Variants in EIF2AK4 observed in about 807,000 individuals in gnomAD.
EIF2AK4 encodes the protein eIF-2-alpha kinase GCN2.
A neutral mutation model predicts 211.1 loss-of-function variants in EIF2AK4; 139 were observed. The ratio of observed to expected loss-of-function variants is 0.66; its 90% CI spans 0.57 to 0.76. The LOEUF is 0.76. Among genes scored for constraint, EIF2AK4 ranks in the 30% least tolerant of loss-of-function variants. EIF2AK4 has a pLI of 0.00. For synonymous variants in EIF2AK4, 710 were observed against 751.3 expected (o/e 0.94, Z 0.90); for missense variants, 1,664 against 2,043.8 (o/e 0.81, Z 3.58).
At chr15:39,935,059 G>T (rs1875433708) in intron 1 of EIF2AK4, among the ~76,000 whole-genome samples, 1 of 151,954 alleles carries the variant, frequency 6.6e-6, no homozygotes, top group South Asian at 2.1e-4. Context: ...AAAAAAATTC[G>T]CAAAAAAACC....
rs750542073 is a variant in EIF2AK4 at position 40,022,515 on chromosome 15, T to G, written c.4303-4T>G. Reference sequence around the variant, plus strand: ...ATTTTCTTTACTATGTTTGTTTGTTTCAGTCCCAAGAGGAATTACAAGAGT... The same window carrying G: ...ATTTTCTTTACTATGTTTGTTTGTTGCAGTCCCAAGAGGAATTACAAGAGT... On this transcript the variant is annotated splice_region_variant and splice_polypyrimidine_tract_variant and intron_variant, in intron 31 of 38. Coordinates refer to ENST00000263791, the MANE Select transcript of EIF2AK4 (RefSeq NM_001013703.4). 1.9e-6 allele frequency: 3 copies of G among 1,613,386 alleles called. No homozygotes were observed. The South Asian group carries it at 3.3e-5, about 18-fold the overall frequency.
intron 4 of EIF2AK4, chr15:39,951,413 C>T (rs1384904888): frequency 1.0e-5 from 3 of 294,130 alleles, no homozygotes; most frequent in Non-Finnish European, 2.0e-5. Flanking sequence ...GGATATCTTT[C>T]AGCACAATTG....
intron 13 of EIF2AK4, among the ~76,000 whole-genome samples, chr15:39,984,818 C>G (rs2034842289): frequency 1.3e-5 from 2 of 152,332 alleles, no homozygotes; most frequent in South Asian, 4.1e-4. Flanking sequence ...TTGACTTCCT[C>G]TCTTTCTATT....
intron 27 of EIF2AK4, among the ~76,000 whole-genome samples, chr15:40,012,453 G>C (rs752592542): frequency 6.6e-6 from 1 of 152,144 alleles, no homozygotes; most frequent in South Asian, 2.1e-4. Flanking sequence ...GATATGCAAA[G>C]TAACACAACA....
At chr15:39,960,072 G>A (rs2034447690) in intron 6 of EIF2AK4, among the ~76,000 whole-genome samples, 1 of 151,406 alleles carries the variant, frequency 6.6e-6, no homozygotes, top group African/African-American at 2.4e-5. Context: ...GCTGAGGCAG[G>A]AGAATGGTGT....
chr15:39,941,427 C>T (rs1031208432), intron 2 of EIF2AK4, among the ~76,000 whole-genome samples: 12 of 152,196 alleles, frequency 7.9e-5, no homozygotes, highest in African/African-American at 2.9e-4. Context: ...CCCTGTTGCT[C>T]AGGAAATTCC....
rs1484537659 is a variant in EIF2AK4, at chr15:40,032,794, C to A, written c.4766C>A (p.Ser1589Ter). The part of the protein sequence containing the change: ...LPKETILQFL[S>*]LEWDADEQAF... ...AAAGAAACAATATTACAGTTTTTAT[C>A]ATTAGAGGTAAGCAATATGAACTCT... Residue 1589 changes from serine to a stop codon, truncating the protein, a stop_gained, in exon 37 of 39, where the codon TCA becomes TAA. Transcript: ENST00000263791. LOFTEE classifies it high-confidence loss of function. 9 of 1,613,046 alleles carry A rather than the reference C, an allele frequency of 5.6e-6. No homozygotes were observed. Among genetic ancestry groups the A allele is most frequent in the African/African-American group, 2.7e-5 (2 of 74,874 alleles).
chr15:40,021,842 A>T (rs2035391805), intron 31 of EIF2AK4: 1 of 152,390 alleles, frequency 6.6e-6, no homozygotes, highest in Admixed American at 6.5e-5. Context: ...CCACCCTCCC[A>T]CCTGCTCTGT....
At chr15:39,989,951 G>A (rs1488784261) in intron 15 of EIF2AK4, among the ~76,000 whole-genome samples, 1 of 152,228 alleles carries the variant, frequency 6.6e-6, no homozygotes, top group Non-Finnish European at 1.5e-5. Flanking sequence ...TAAAAATGGT[G>A]TGTCTCCCTG....
At chr15:39,940,144 A>T (rs1257681316) in intron 2 of EIF2AK4, among the ~76,000 whole-genome samples, 1 of 152,170 alleles carries the variant, frequency 6.6e-6, no homozygotes. Context: ...CCTGGCCCCC[A>T]CCTACCAATG....
intron 15 of EIF2AK4, among the ~76,000 whole-genome samples, chr15:39,989,578 C>A (rs1322830192): frequency 6.6e-6 from 1 of 152,208 alleles, no homozygotes; most frequent in Non-Finnish European, 1.5e-5. Flanking sequence ...AACACTGTGC[C>A]ATACCTGGAA....
chr15:39,947,813 A>G (rs2034250037), intron 3 of EIF2AK4, among the ~76,000 whole-genome samples: 1 of 152,248 alleles, frequency 6.6e-6, no homozygotes, highest in Non-Finnish European at 1.5e-5. Context: ...AGGAGGCAAG[A>G]GTCAGTTTGG....
chr15:39,986,434 A>G (rs1414788995), intron 14 of EIF2AK4, among the ~76,000 whole-genome samples: 1 of 152,248 alleles, frequency 6.6e-6, no homozygotes, highest in Non-Finnish European at 1.5e-5. Flanking sequence ...ACCTCTGGAG[A>G]CCAGTGCACA....
intron 22 of EIF2AK4, 52 bp downstream of exon 22, chr15:40,002,840 T>G: frequency 1.3e-6 from 2 of 1,590,484 alleles, no homozygotes; most frequent in Non-Finnish European, 1.7e-6. Flanking sequence ...ACTTTTTTCA[T>G]CATTAGAAAG....
chr15:39,955,897 TC>T (rs1264698748), intron 6 of EIF2AK4, 129 bp downstream of exon 6: 4 of 802,226 alleles, frequency 5.0e-6, no homozygotes, highest in Non-Finnish European at 6.8e-6. Flanking sequence ...ACCTTATATA[TC>T]TTAATATATT....
chr15:39,992,584 C>T lies in EIF2AK4; in HGVS notation c.2687-185C>T, dbSNP rs564299887. 3.3e-5 allele frequency: 20 copies of T among 608,580 alleles called. No homozygotes were observed. The East Asian group carries it at 5.6e-4, about 17-fold the overall frequency. The allele number at this position is 608,580 out of a possible 1,614,324, so 37.7% of individuals were successfully genotyped here. A position where few individuals can be genotyped will look rare whatever the true frequency, so the allele number is the denominator to read the frequency against. On this transcript the variant is annotated intron_variant, in intron 17 of 38. Transcript: ENST00000263791. Reference sequence around the variant, plus strand: ...ATAGCAAAGACATCCTTGTGTAGAACCGAATGTGTGGCCATACGTGACTTA... The same window carrying T: ...ATAGCAAAGACATCCTTGTGTAGAATCGAATGTGTGGCCATACGTGACTTA...
Position 39,953,298 on chromosome 15 carries a change from T to C in EIF2AK4, c.514-606T>C, listed in dbSNP as rs72729465. ...TTTACACATTGTATTATTGCTGTTA[T>C]GGTTTTTGGTGAATCTCTTAATAGT... On this transcript the variant is annotated intron_variant, in intron 4 of 38. Coordinates refer to ENST00000263791, the MANE Select transcript of EIF2AK4 (RefSeq NM_001013703.4). 1.6e-3 allele frequency among the ~76,000 whole-genome samples: 240 copies of C among 152,378 alleles called. 1 individual carries two copies. The highest frequency in any genetic ancestry group is 2.7e-3 in the Non-Finnish European group (185 of 68,042).
Position 39,955,706 on chromosome 15 carries a change from T to C in EIF2AK4, c.681T>C (p.His227=), listed in dbSNP as rs1447310784. The part of the protein sequence containing the change: ...PGGHRTAAIL[H]GGSPDFVGNG... Reference sequence around the variant, plus strand: ...GACACAGAACGGCTGCCATTCTACATGGAGGCTCTCCTGACTTTGTAGGAA... The same window carrying C: ...GACACAGAACGGCTGCCATTCTACACGGAGGCTCTCCTGACTTTGTAGGAA... Residue 227 remains histidine (H), a synonymous_variant, in exon 6 of 39, where the codon CAT becomes CAC. Coordinates refer to ENST00000263791, the MANE Select transcript of EIF2AK4 (RefSeq NM_001013703.4). 5 of 1,613,120 alleles carry C rather than the reference T, an allele frequency of 3.1e-6. No individual in the cohort carries two copies. The highest frequency in any genetic ancestry group is 2.7e-5 in the African/African-American group (2 of 74,852).
chr15:40,035,152 A>G lies in EIF2AK4; in HGVS notation c.*68A>G. 1 of 1,178,168 alleles carries G rather than the reference A, an allele frequency of 8.5e-7. No homozygotes were observed. The highest frequency in any genetic ancestry group is 1.8e-5 in the South Asian group (1 of 56,922). 73.0% of individuals were successfully genotyped at this position (1,178,168 alleles called of 1,614,324 possible). Reference sequence around the variant, plus strand: ...TTATACTGGAATAATGGAATGTTGTACATTCATCATAATTTAAAATTAAAT... The same window carrying G: ...TTATACTGGAATAATGGAATGTTGTGCATTCATCATAATTTAAAATTAAAT... On this transcript the variant is annotated 3_prime_UTR_variant, in exon 39 of 39. Coordinates refer to ENST00000263791, the MANE Select transcript of EIF2AK4 (RefSeq NM_001013703.4).
Sources: gnomAD v4.1 joint callset for allele counts (sites outside exome capture counted in the v4.1 genomes callset) on GRCh38, gnomAD v4.1.1 for gene constraint, MANE v1.5 for transcripts, NCBI Gene and HGNC (gene_info 2026-07-23, HGNC 2026-07-21) for gene names.